The following NRG3 variants were observed in gnomAD, a reference collection of about 807,000 sequenced individuals.
NRG3 encodes the protein neuregulin 3.
Under a neutral mutation model 66.9 loss-of-function variants are expected in NRG3, and 31 were observed. The ratio of observed to expected loss-of-function variants is 0.46; its 90% CI spans 0.35 to 0.63. NRG3 has a LOEUF of 0.63. Ranked by LOEUF, NRG3 falls within the 20% of genes least tolerant of loss-of-function variation. The probability of loss-of-function intolerance (pLI) is 0.00; values close to 1 mark genes in which losing one functional copy is unlikely to be tolerated. For missense variants in NRG3, 910 were observed against 878.9 expected (o/e 1.04, Z -0.45); for synonymous variants, 393 against 359.4 (o/e 1.09, Z -1.06).
chr10:82,799,968 T>G (rs955503154), intron 3 of NRG3: 4 of 152,126 alleles, frequency 2.6e-5, no homozygotes, highest in Admixed American at 6.5e-5. Flanking sequence ...TGTCCAAGAA[T>G]AGAAGAGCTG....
intron 3 of NRG3, among the ~76,000 whole-genome samples, chr10:82,812,246 A>G (rs540072309): frequency 6.6e-6 from 1 of 152,306 alleles, no homozygotes; most frequent in Non-Finnish European, 1.5e-5. Context: ...TAGTCCCTGA[A>G]TCATCCTTTG....
rs538218573 is a variant in NRG3 at position 82,330,796 on chromosome 10, T to C, written c.824-27943T>C. 2.3e-4 allele frequency among the ~76,000 whole-genome samples: 35 copies of C among 152,334 alleles called. No homozygotes were observed. In the South Asian group the frequency reaches 7.3e-3, roughly 32 times the overall value. On this transcript the variant is annotated intron_variant, in intron 1 of 8. Transcript: ENST00000372141. Reference sequence around the variant, plus strand: ...ATATAATAATATACACTGAGGTTCTTAGCATAATTTGTGTTTCTTTTAAAT... The same window carrying C: ...ATATAATAATATACACTGAGGTTCTCAGCATAATTTGTGTTTCTTTTAAAT...
At chr10:82,164,538 C>A (rs2071882650) in intron 1 of NRG3, among the ~76,000 whole-genome samples, 1 of 151,988 alleles carries the variant, frequency 6.6e-6, no homozygotes, top group South Asian at 2.1e-4. Flanking sequence ...ACACACACAC[C>A]CTCCCCAGCC....
intron 1 of NRG3, among the ~76,000 whole-genome samples, chr10:81,994,554 T>C (rs1472120923): frequency 6.6e-6 from 1 of 152,038 alleles, no homozygotes. Context: ...TTTTTTTCCT[T>C]GCATAAAGGA....
chr10:82,821,846 C>A (rs1394294234), intron 3 of NRG3, among the ~76,000 whole-genome samples: 1 of 152,156 alleles, frequency 6.6e-6, no homozygotes, highest in African/African-American at 2.4e-5. Flanking sequence ...GGCTGACACT[C>A]AATGTATAAT....
At chr10:82,666,826 G>A (rs1234525888) in intron 2 of NRG3, among the ~76,000 whole-genome samples, 3 of 152,088 alleles carry the variant, frequency 2.0e-5, no homozygotes, top group Admixed American at 6.6e-5. Context: ...TTTATTCTTC[G>A]TATTCCAGCC....
chr10:81,895,656 C>T (rs533521267), intron 1 of NRG3, among the ~76,000 whole-genome samples: 4 of 152,034 alleles, frequency 2.6e-5, no homozygotes, highest in Non-Finnish European at 4.4e-5. Context: ...CATGTCCATG[C>T]GTGGGAGTGT....
chr10:82,904,253 A>G (rs1017511322), intron 4 of NRG3, among the ~76,000 whole-genome samples: 34 of 152,062 alleles, frequency 2.2e-4, no homozygotes, highest in African/African-American at 8.0e-4. Context: ...AGTGTATTTT[A>G]TGTGTATTGC....
intron 2 of NRG3, among the ~76,000 whole-genome samples, chr10:82,475,689 A>G (rs879052844): frequency 6.6e-6 from 1 of 152,184 alleles, no homozygotes; most frequent in Non-Finnish European, 1.5e-5. Flanking sequence ...AAAACAATTA[A>G]CTGAAAGTGG....
intron 2 of NRG3, among the ~76,000 whole-genome samples, chr10:82,441,741 T>A (rs1016926139): frequency 1.3e-5 from 2 of 152,252 alleles, no homozygotes; most frequent in African/African-American, 4.8e-5. Context: ...AAGAATTAAA[T>A]TACTTTGAAA....
intron 1 of NRG3, among the ~76,000 whole-genome samples, chr10:81,909,149 G>T (rs1030421917): frequency 6.6e-6 from 1 of 152,090 alleles, no homozygotes; most frequent in Non-Finnish European, 1.5e-5. Context: ...GGCATTCCTT[G>T]GCTTGTAGAT....
intron 1 of NRG3, among the ~76,000 whole-genome samples, chr10:82,190,928 G>A (rs1328947560): frequency 2.0e-5 from 3 of 152,084 alleles, no homozygotes; most frequent in African/African-American, 7.2e-5. Context: ...GTAGAGACAG[G>A]AATGAATATG....
chr10:82,838,173 T>A (rs2062872744), intron 3 of NRG3, among the ~76,000 whole-genome samples: 1 of 152,120 alleles, frequency 6.6e-6, no homozygotes, highest in Admixed American at 6.6e-5. Context: ...CAGACATTAG[T>A]AAATGCACGT....
intron 4 of NRG3, among the ~76,000 whole-genome samples, chr10:82,936,702 T>C (rs1378009776): frequency 2.6e-5 from 4 of 152,074 alleles, no homozygotes; most frequent in Non-Finnish European, 4.4e-5. Flanking sequence ...CTTCAAAACA[T>C]TGTACACAAT....
At chr10:82,841,989 C>T (rs984255017) in intron 3 of NRG3, among the ~76,000 whole-genome samples, 3 of 152,116 alleles carry the variant, frequency 2.0e-5, no homozygotes, top group African/African-American at 7.2e-5. Context: ...GAACCCATCT[C>T]GCAGCTCATC....
chr10:81,878,890 G>A (rs775364017), intron 1 of NRG3, among the ~76,000 whole-genome samples: 1 of 152,154 alleles, frequency 6.6e-6, no homozygotes, highest in Non-Finnish European at 1.5e-5. Flanking sequence ...TGTCTGTAAG[G>A]ATCCTGTCTC....
At chr10:82,734,515 T>G (rs2058063859) in intron 2 of NRG3, among the ~76,000 whole-genome samples, 3 of 152,062 alleles carry the variant, frequency 2.0e-5, no homozygotes, top group South Asian at 2.1e-4. Context: ...ACCTGATACT[T>G]CAGTTGGGCT....
At chr10:82,609,016 AAAG>A (rs1348484629) in intron 2 of NRG3, among the ~76,000 whole-genome samples, 1 of 152,182 alleles carries the variant, frequency 6.6e-6, no homozygotes, top group African/African-American at 2.4e-5. Context: ...TTTAATTTAA[AAAG>A]AAGAAAAGTA....
intron 1 of NRG3, among the ~76,000 whole-genome samples, chr10:82,013,827 T>C (rs2061678009): frequency 6.6e-6 from 1 of 152,192 alleles, no homozygotes; most frequent in South Asian, 2.1e-4. Context: ...CAATTCCCTA[T>C]TCCTCTAAAA....
Sources: gnomAD v4.1 joint callset for allele counts (sites outside exome capture counted in the v4.1 genomes callset) on GRCh38, gnomAD v4.1.1 for gene constraint, MANE v1.5 for transcripts, NCBI Gene and HGNC (gene_info 2026-07-23, HGNC 2026-07-21) for gene names.